Variants in DLG2 observed in about 807,000 individuals in gnomAD.
The protein encoded by DLG2 is disks large homolog 2.
In DLG2, 45 loss-of-function variants were observed where a neutral mutation model predicts 132.5. That is an observed-to-expected ratio of 0.34 (90% CI 0.27 to 0.44). DLG2 has a LOEUF of 0.44. Among genes scored for constraint, DLG2 ranks in the 20% least tolerant of loss-of-function variants. The pLI is 1.00. For synonymous variants in DLG2, 424 were observed against 419.6 expected (o/e 1.01, Z -0.13); for missense variants, 1,045 against 1,196.9 (o/e 0.87, Z 1.87).
At chr11:84,560,702 GC>G in intron 6 of DLG2, among the ~76,000 whole-genome samples, 1 of 152,012 alleles carries the variant, frequency 6.6e-6, no homozygotes, top group East Asian at 1.9e-4. Context: ...ACTACTATGA[GC>G]TTTTAAGTTA....
chr11:84,199,442 C>A lies in DLG2; in HGVS notation c.574-35931G>T, dbSNP rs188218755. On this transcript the variant is annotated intron_variant, in intron 8 of 27. Coordinates refer to ENST00000376104, the MANE Select transcript of DLG2 (RefSeq NM_001142699.3). ...ATAAAATACAATACATGCAAAAAAG[C>A]AAGAAAATAGGATCCAAAAGAAATC... Among the ~76,000 whole-genome samples, 314 of 151,838 alleles carry A rather than the reference C, an allele frequency of 2.1e-3. 2 individuals are homozygous for A. The highest frequency in any genetic ancestry group is 7.3e-3 in the African/African-American group (304 of 41,418).
chr11:85,600,352 C>T (rs1045637102), intron 2 of DLG2, among the ~76,000 whole-genome samples: 6 of 152,176 alleles, frequency 3.9e-5, no homozygotes, highest in African/African-American at 1.4e-4. Context: ...GGCCCATAAG[C>T]ATCATTTGAT....
chr11:84,689,197 A>T lies in DLG2; in HGVS notation c.358-154466T>A, dbSNP rs140649682. 2.5e-3 allele frequency among the ~76,000 whole-genome samples: 382 copies of T among 152,258 alleles called. 4 individuals are homozygous for T. Among genetic ancestry groups the T allele is most frequent in the African/African-American group, 9.1e-3 (377 of 41,552 alleles). On this transcript the variant is annotated intron_variant, in intron 6 of 27. Coordinates refer to ENST00000376104, the MANE Select transcript of DLG2 (RefSeq NM_001142699.3). ...TCTGTATATTGTTCTTAACTTCCTAATATGTATAAAATCATCATTTTGTGA... is the reference window on the plus strand; with the variant it reads ...TCTGTATATTGTTCTTAACTTCCTATTATGTATAAAATCATCATTTTGTGA...
At chr11:85,352,398 C>G (rs1438596018) in intron 3 of DLG2, among the ~76,000 whole-genome samples, 2 of 152,124 alleles carry the variant, frequency 1.3e-5, no homozygotes, top group Admixed American at 1.3e-4. Flanking sequence ...GTTTTTGTGT[C>G]TCTATCTCCT....
intron 18 of DLG2, among the ~76,000 whole-genome samples, chr11:83,749,313 A>T (rs2093148686): frequency 6.6e-6 from 1 of 152,196 alleles, no homozygotes. Context: ...AGAGATGTCC[A>T]TTCAAACTGC....
chr11:84,523,418 T>A (rs959002915), intron 7 of DLG2, among the ~76,000 whole-genome samples: 1 of 152,212 alleles, frequency 6.6e-6, no homozygotes, highest in African/African-American at 2.4e-5. Flanking sequence ...TGCTTTCCAC[T>A]ATATGCTATT....
chr11:85,120,657 A>G (rs2074191704), intron 5 of DLG2, among the ~76,000 whole-genome samples: 1 of 152,052 alleles, frequency 6.6e-6, no homozygotes, highest in Admixed American at 6.6e-5. Flanking sequence ...TCATTGTAAA[A>G]GCATGAAGTA....
intron 8 of DLG2, among the ~76,000 whole-genome samples, chr11:84,171,633 C>A (rs1454297398): frequency 6.6e-6 from 1 of 152,158 alleles, no homozygotes; most frequent in African/African-American, 2.4e-5. Context: ...CTGATGGACA[C>A]TGAGGTTAAT....
At chr11:84,687,098 C>T (rs1240336213) in intron 6 of DLG2, 1 of 152,064 alleles carries the variant, frequency 6.6e-6, no homozygotes, top group Non-Finnish European at 1.5e-5. Flanking sequence ...ATTTCAAATA[C>T]TTAGAAGGAC....
intron 4 of DLG2, among the ~76,000 whole-genome samples, chr11:85,181,975 C>T (rs367807517): frequency 1.3e-5 from 2 of 151,808 alleles, no homozygotes; most frequent in Non-Finnish European, 2.9e-5. Context: ...TCAAATTTGC[C>T]TCATCTTTGT....
chr11:83,459,653 G>A lies in DLG2; in HGVS notation c.*165C>T. ...TTCTGTCCCACCCTTTGGCCCCTCTGTTTCCTTCATGGCTTCATACAGTTT... is the reference window on the plus strand; with the variant it reads ...TTCTGTCCCACCCTTTGGCCCCTCTATTTCCTTCATGGCTTCATACAGTTT... On this transcript the variant is annotated 3_prime_UTR_variant, in exon 28 of 28. Coordinates refer to ENST00000376104, the MANE Select transcript of DLG2 (RefSeq NM_001142699.3). 1.8e-6 allele frequency: 1 copy of A among 545,748 alleles called. No individual in the cohort carries two copies. Among genetic ancestry groups the A allele is most frequent in the Non-Finnish European group, 3.3e-6 (1 of 305,098 alleles). 33.8% of individuals were successfully genotyped at this position (545,748 alleles called of 1,614,324 possible).
chr11:84,987,329 A>T lies in DLG2; in HGVS notation c.357+124332T>A, dbSNP rs900324489. Among the ~76,000 whole-genome samples the T allele has an allele frequency of 1.5e-4, 23 of 152,240 alleles. 4 individuals carry two copies. Among genetic ancestry groups the T allele is most frequent in the African/African-American group, 5.5e-4 (23 of 41,570 alleles). On this transcript the variant is annotated intron_variant, in intron 6 of 27. Transcript: ENST00000376104. ...GTAGAATCAATATTGTGAAAATGAC[A>T]AATGACCATACTGTCAAAAGTAATC...
At chr11:83,900,360 G>A (rs968264985) in intron 15 of DLG2, among the ~76,000 whole-genome samples, 1 of 152,182 alleles carries the variant, frequency 6.6e-6, no homozygotes, top group Admixed American at 6.5e-5. Flanking sequence ...GAAAATGGGG[G>A]AAATGTCTCT....
intron 6 of DLG2, among the ~76,000 whole-genome samples, chr11:84,733,001 T>C (rs941122174): frequency 1.3e-5 from 2 of 152,188 alleles, no homozygotes. Flanking sequence ...TAGTATTCCA[T>C]GGTGTATATG....
chr11:83,602,957 T>C (rs1273047730), intron 19 of DLG2, among the ~76,000 whole-genome samples: 1 of 152,168 alleles, frequency 6.6e-6, no homozygotes, highest in African/African-American at 2.4e-5. Context: ...TCTATATCCA[T>C]ACACTCAGTC....
At chr11:85,464,641 A>T (rs549278369) in intron 3 of DLG2, among the ~76,000 whole-genome samples, 5 of 152,290 alleles carry the variant, frequency 3.3e-5, no homozygotes, top group African/African-American at 9.6e-5. Context: ...CTCTGGTCAC[A>T]TGACCCCTGG....
intron 9 of DLG2, among the ~76,000 whole-genome samples, chr11:84,162,824 G>T (rs1235199605): frequency 1.3e-5 from 2 of 151,928 alleles, no homozygotes; most frequent in East Asian, 3.9e-4. Flanking sequence ...TTGTTTATTG[G>T]CTTTTTCTTT....
At chr11:84,892,279 C>T (rs2154064590) in intron 6 of DLG2, among the ~76,000 whole-genome samples, 2 of 152,172 alleles carry the variant, frequency 1.3e-5, no homozygotes, top group Admixed American at 1.3e-4. Flanking sequence ...CATGGTCATG[C>T]CAAACTCAAA....
chr11:85,019,160 A>T (rs1183572794), intron 6 of DLG2, among the ~76,000 whole-genome samples: 1 of 152,182 alleles, frequency 6.6e-6, no homozygotes, highest in Non-Finnish European at 1.5e-5. Context: ...ATAACAAGAG[A>T]TTACTTTGGA....
Sources: gnomAD v4.1 joint callset for allele counts (sites outside exome capture counted in the v4.1 genomes callset) on GRCh38, gnomAD v4.1.1 for gene constraint, MANE v1.5 for transcripts, NCBI Gene and HGNC (gene_info 2026-07-23, HGNC 2026-07-21) for gene names.